Variants in PRSS23 observed in about 807,000 individuals in gnomAD.
PRSS23 encodes the protein serine protease 23, also known as protease, serine 23.
PRSS23 carries 25 observed loss-of-function variants against 34.7 expected under a neutral mutation model. The ratio of observed to expected loss-of-function variants is 0.72; its 90% CI spans 0.53 to 1.01. The LOEUF (loss-of-function observed/expected upper bound fraction) is 1.01, where lower values mean the gene tolerates loss of function less well. Among genes scored for constraint, PRSS23 ranks in the 50% least tolerant of loss-of-function variants. PRSS23 has a pLI of 0.00. For missense variants in PRSS23, 445 were observed against 475.6 expected, an observed-to-expected ratio of 0.94 and a Z score of 0.60; for synonymous variants, 176 against 186.6, an observed-to-expected ratio of 0.94 and a Z score of 0.46.
At chr11:86,869,450 C>G (rs1948670734) in intron 2 of PRSS23, among the ~76,000 whole-genome samples, 1 of 152,134 alleles carries the variant, frequency 6.6e-6, no homozygotes, top group Admixed American at 6.5e-5. Flanking sequence ...ATGAGACAGA[C>G]ATGGGCCCCG....
chr11:86,902,620 A>T (rs1041572061), intron 2 of PRSS23, among the ~76,000 whole-genome samples: 2 of 152,174 alleles, frequency 1.3e-5, no homozygotes, highest in Non-Finnish European at 2.9e-5. Context: ...GATGTGGATA[A>T]CTGAGGAGAA....
chr11:86,892,530 A>G (rs1948848547), intron 2 of PRSS23, among the ~76,000 whole-genome samples: 1 of 152,210 alleles, frequency 6.6e-6, no homozygotes, highest in East Asian at 1.9e-4. Flanking sequence ...ATATGGAAGC[A>G]AAGGGAGATG....
At position 86,951,203 on chromosome 11, in the gene PRSS23, T is replaced by C. The variant is rs779086471; in HGVS notation, c.207-13T>C. 3.7e-6 allele frequency: 6 copies of C among 1,614,080 alleles called. No individual in the cohort carries two copies. In the Admixed American group the frequency reaches 1.0e-4, roughly 27 times the overall value. ...CCAACCATTTCCTCTCTTCTCTCTC[T>C]TTACCTTTCCAGAATTCACCAATCT... On this transcript the variant is annotated splice_polypyrimidine_tract_variant and intron_variant, in intron 2 of 2. Coordinates refer to the PRSS23 transcript ENST00000533902.
At chr11:86,854,272 T>C (rs1948552976) in intron 2 of PRSS23, among the ~76,000 whole-genome samples, 1 of 152,178 alleles carries the variant, frequency 6.6e-6, no homozygotes, top group Non-Finnish European at 1.5e-5. Context: ...AGTGCCGGGA[T>C]TACAGGTGTG....
intron 2 of PRSS23, among the ~76,000 whole-genome samples, chr11:86,906,300 G>C (rs1205454968): frequency 6.6e-6 from 1 of 152,182 alleles, no homozygotes. Context: ...TGTTTTCATC[G>C]AAACCCTAAG....
At chr11:86,904,541 A>G (rs1472736198) in intron 2 of PRSS23, among the ~76,000 whole-genome samples, 1 of 152,120 alleles carries the variant, frequency 6.6e-6, no homozygotes, top group Admixed American at 6.5e-5. Context: ...AGGTGGTGCT[A>G]TGTACCCCAA....
chr11:86,915,184 G>A (rs1370368341), intron 2 of PRSS23, among the ~76,000 whole-genome samples: 2 of 152,162 alleles, frequency 1.3e-5, no homozygotes, highest in African/African-American at 4.8e-5. Flanking sequence ...TGAAAGGAGT[G>A]AGACTAGGAT....
chr11:86,875,101 T>C (rs1336209790), intron 2 of PRSS23, among the ~76,000 whole-genome samples: 1 of 152,214 alleles, frequency 6.6e-6, no homozygotes, highest in African/African-American at 2.4e-5. Flanking sequence ...TTACCCAGTC[T>C]CACAACTGCT....
chr11:86,828,191 A>G (rs962304857), intron 2 of PRSS23, among the ~76,000 whole-genome samples: 6 of 152,214 alleles, frequency 3.9e-5, no homozygotes, highest in African/African-American at 9.7e-5. Context: ...TATTGGGTGC[A>G]TATATATTTA....
intron 2 of PRSS23, among the ~76,000 whole-genome samples, chr11:86,859,437 G>C (rs921867837): frequency 1.3e-5 from 2 of 151,780 alleles, no homozygotes; most frequent in African/African-American, 4.8e-5. Context: ...AGGGGAAGAG[G>C]CTTATATTAC....
intron 2 of PRSS23, among the ~76,000 whole-genome samples, chr11:86,841,654 C>T (rs919372131): frequency 6.6e-6 from 1 of 152,156 alleles, no homozygotes; most frequent in East Asian, 1.9e-4. Flanking sequence ...ACTATAAACA[C>T]CTCTATGCTA....
intron 2 of PRSS23, among the ~76,000 whole-genome samples, chr11:86,867,720 A>C (rs2134942431): frequency 6.6e-6 from 1 of 152,100 alleles, no homozygotes; most frequent in East Asian, 1.9e-4. Flanking sequence ...TCTCTACAAA[A>C]AATAAAATAA....
intron 2 of PRSS23, among the ~76,000 whole-genome samples, chr11:86,926,898 C>T (rs932269514): frequency 2.0e-5 from 3 of 152,166 alleles, no homozygotes; most frequent in Non-Finnish European, 2.9e-5. Flanking sequence ...AAAGCTCATG[C>T]GTTACTCCTC....
At chr11:86,917,298 G>A (rs553863407) in intron 2 of PRSS23, among the ~76,000 whole-genome samples, 16 of 152,348 alleles carry the variant, frequency 1.1e-4, no homozygotes, top group East Asian at 3.9e-4. Flanking sequence ...CAGCCTGGGC[G>A]ACAGAGTGAG....
intron 1 of PRSS23, among the ~76,000 whole-genome samples, chr11:86,794,418 C>T (rs1186048800): frequency 6.6e-6 from 1 of 152,096 alleles, no homozygotes; most frequent in Non-Finnish European, 1.5e-5. Context: ...CCAGAGCATA[C>T]AGGAAATTGC....
exon 3 of PRSS23, chr11:86,952,164 G>C: frequency 6.2e-7 from 1 of 1,612,312 alleles, no homozygotes; most frequent in African/African-American, 1.3e-5. Flanking sequence ...ACACAGTTCA[G>C]GCTCCTTTTC....
At chr11:86,875,467 T>G (rs1429401432) in intron 2 of PRSS23, among the ~76,000 whole-genome samples, 1 of 152,246 alleles carries the variant, frequency 6.6e-6, no homozygotes, top group Non-Finnish European at 1.5e-5. Flanking sequence ...TGCCTCTTAA[T>G]GTCTGTGAAA....
intron 2 of PRSS23, among the ~76,000 whole-genome samples, chr11:86,851,147 T>C (rs889538347): frequency 2.0e-5 from 3 of 152,214 alleles, no homozygotes; most frequent in African/African-American, 7.2e-5. Context: ...CTGAACTTCA[T>C]GGTCTTCCAA....
intron 1 of PRSS23, among the ~76,000 whole-genome samples, chr11:86,805,003 TTAAGA>T (rs1346593456): frequency 6.6e-6 from 1 of 152,210 alleles, no homozygotes; most frequent in Non-Finnish European, 1.5e-5. Flanking sequence ...GTTTTCTTTC[TTAAGA>T]TAAGCTGAAG....
Sources: gnomAD v4.1 joint callset for allele counts (sites outside exome capture counted in the v4.1 genomes callset) on GRCh38, gnomAD v4.1.1 for gene constraint, MANE v1.5 for transcripts, NCBI Gene and HGNC (gene_info 2026-07-23, HGNC 2026-07-21) for gene names.